Variants in ASB3 observed in about 807,000 individuals in gnomAD.
ASB3 encodes ankyrin repeat and SOCS box protein 3.
Under a neutral mutation model 54.5 loss-of-function variants are expected in ASB3, and 41 were observed. The observed-to-expected ratio is 0.75, with a 90% CI of 0.59 to 0.98. ASB3 has a LOEUF of 0.98. Ranked by LOEUF, ASB3 falls within the 50% of genes least tolerant of loss-of-function variation. ASB3 has a pLI of 0.00. For synonymous variants in ASB3, 266 were observed against 221.2 expected (o/e 1.20, Z -1.80); for missense variants, 733 against 620.0 (o/e 1.18, Z -1.94).
intron 2 of ASB3, among the ~76,000 whole-genome samples, chr2:53,758,173 T>C (rs1194898117): frequency 2.0e-5 from 3 of 152,216 alleles, no homozygotes; most frequent in Non-Finnish European, 2.9e-5. Context: ...TACTACCTTG[T>C]TGTCAGTGTA....
intron 9 of ASB3, among the ~76,000 whole-genome samples, chr2:53,686,543 TA>T (rs1668640770): frequency 6.6e-6 from 1 of 152,170 alleles, no homozygotes; most frequent in Non-Finnish European, 1.5e-5. Context: ...AGCTTTTTCA[TA>T]ATACTTATTT....
chr2:53,707,725 G>A (rs1390128332), intron 7 of ASB3, among the ~76,000 whole-genome samples: 1 of 151,698 alleles, frequency 6.6e-6, no homozygotes, highest in East Asian at 1.9e-4. Flanking sequence ...CTTTTGGGAG[G>A]TGAAGGGGGG....
chr2:53,709,217 C>T (rs1055624351), intron 7 of ASB3, among the ~76,000 whole-genome samples: 3 of 152,316 alleles, frequency 2.0e-5, no homozygotes, highest in African/African-American at 4.8e-5. Flanking sequence ...GACACTAGTC[C>T]CTGCATCCTA....
intron 1 of ASB3, among the ~76,000 whole-genome samples, chr2:53,783,038 G>A (rs1307997490): frequency 6.6e-6 from 1 of 151,980 alleles, no homozygotes; most frequent in East Asian, 1.9e-4. Context: ...CTCTCAAAGT[G>A]CTGGAATTAC....
In ASB3 at chr2:53,716,549, CTGTTTT is replaced by C. The variant is rs1278017393; in HGVS notation, c.782+11_782+16del. On this transcript the variant is annotated intron_variant, in intron 6 of 9. Transcript: ENST00000263634. ...TTGATTAAGAGACCATGTTTATTTTCTGTTTTTAACACTTACTTTGTATGGCCCATT... is the reference window on the plus strand; with the variant it reads ...TTGATTAAGAGACCATGTTTATTTTCTAACACTTACTTTGTATGGCCCATT... 1 of 1,601,794 alleles carries C rather than the reference CTGTTTT, an allele frequency of 6.2e-7. No individual in the cohort carries two copies. Among genetic ancestry groups the C allele is most frequent in the African/African-American group, 1.3e-5 (1 of 74,532 alleles).
Position 53,670,677 on chromosome 2 carries a change from G to T in ASB3, c.1383C>A (p.Ser461=), listed in dbSNP as rs1336888525. The T allele has an allele frequency of 6.2e-7, 1 of 1,610,860 alleles. No individual in the cohort carries two copies. The highest frequency in any genetic ancestry group is 1.1e-5 in the South Asian group (1 of 90,676). ...TTTCCAAACGACAAAGATGGGTCAG[G>T]GATGGAACAGTGGCTGGAGAAACAA... The part of the protein sequence containing the change: ...ILQQHIATVP[S]LTHLCRLEIR... The change falls in exon 10 of 10, where the codon TCC becomes TCA. Residue 461 remains serine, a synonymous_variant. Transcript: ENST00000263634.
intron 1 of ASB3, among the ~76,000 whole-genome samples, chr2:53,770,373 C>A (rs1479296733): frequency 6.6e-6 from 1 of 151,944 alleles, no homozygotes; most frequent in Non-Finnish European, 1.5e-5. Context: ...GATTTAGGCT[C>A]GCTATGTGCC....
At chr2:53,741,096 A>G (rs369031391) in intron 3 of ASB3, among the ~76,000 whole-genome samples, 8 of 152,324 alleles carry the variant, frequency 5.3e-5, no homozygotes, top group African/African-American at 1.9e-4. Flanking sequence ...GCTTAGAGAA[A>G]CAAAATATTC....
At chr2:53,774,252 T>G (rs752720305) in intron 1 of ASB3, 1 of 1,614,208 alleles carries the variant, frequency 6.2e-7, no homozygotes, top group South Asian at 1.1e-5. Flanking sequence ...CAGTCATTTT[T>G]TATCCAAAAG....
At chr2:53,754,035 G>T (rs565771307) in intron 2 of ASB3, among the ~76,000 whole-genome samples, 1 of 152,208 alleles carries the variant, frequency 6.6e-6, no homozygotes, top group Non-Finnish European at 1.5e-5. Context: ...AACATACAAA[G>T]AGTCGGAGCA....
At chr2:53,691,030 T>A (rs1668883512) in intron 9 of ASB3, among the ~76,000 whole-genome samples, 2 of 152,148 alleles carry the variant, frequency 1.3e-5, no homozygotes, top group African/African-American at 4.8e-5. Flanking sequence ...TCTATTGCTA[T>A]GTGGTTAGGC....
intron 7 of ASB3, among the ~76,000 whole-genome samples, chr2:53,707,506 C>T (rs746416755): frequency 4.6e-5 from 7 of 150,838 alleles, no homozygotes; most frequent in African/African-American, 1.7e-4. Context: ...AAATTATCTG[C>T]GCGTGATGGC....
chr2:53,706,516 G>C (rs191818416), intron 7 of ASB3, among the ~76,000 whole-genome samples: 1 of 151,912 alleles, frequency 6.6e-6, no homozygotes, highest in Non-Finnish European at 1.5e-5. Context: ...CGTGATCTTG[G>C]CTCACTGCAA....
chr2:53,695,736 T>C (rs1280785497), intron 8 of ASB3, among the ~76,000 whole-genome samples: 1 of 152,154 alleles, frequency 6.6e-6, no homozygotes, highest in African/African-American at 2.4e-5. Context: ...ACGAGTGACA[T>C]TTAATCAACT....
chr2:53,722,504 A>G (rs1670765926), intron 5 of ASB3, among the ~76,000 whole-genome samples: 1 of 152,238 alleles, frequency 6.6e-6, no homozygotes, highest in African/African-American at 2.4e-5. Context: ...CATTGTTGAG[A>G]AACAAGGTTG....
chr2:53,746,181 G>T (rs939577657), intron 3 of ASB3, among the ~76,000 whole-genome samples: 2 of 152,092 alleles, frequency 1.3e-5, no homozygotes, highest in Non-Finnish European at 2.9e-5. Context: ...TGTGGTCCCA[G>T]CTACTCAAGA....
chr2:53,741,113 T>C (rs1483755399), intron 3 of ASB3, among the ~76,000 whole-genome samples: 1 of 151,970 alleles, frequency 6.6e-6, no homozygotes, highest in African/African-American at 2.4e-5. Context: ...ATTCTGGGAG[T>C]TCCCTATCAA....
At chr2:53,778,027 T>C (rs1674442044) in intron 1 of ASB3, among the ~76,000 whole-genome samples, 1 of 151,644 alleles carries the variant, frequency 6.6e-6, no homozygotes, top group African/African-American at 2.4e-5. Flanking sequence ...CGGGCACCTG[T>C]AGTCCCAGCT....
intron 4 of ASB3, among the ~76,000 whole-genome samples, chr2:53,729,139 T>C (rs969608665): frequency 1.3e-5 from 2 of 152,142 alleles, no homozygotes; most frequent in African/African-American, 4.8e-5. Context: ...TAAGGAGCCA[T>C]CACAATTTCT....
Sources: gnomAD v4.1 joint callset for allele counts (sites outside exome capture counted in the v4.1 genomes callset) on GRCh38, gnomAD v4.1.1 for gene constraint, MANE v1.5 for transcripts, NCBI Gene and HGNC (gene_info 2026-07-23, HGNC 2026-07-21) for gene names.